Variants in RTN4IP1 observed in about 807,000 individuals in gnomAD.
The protein encoded by RTN4IP1 is reticulon 4 interacting protein 1.
A neutral mutation model predicts 46.6 loss-of-function variants in RTN4IP1; 32 were observed. The observed-to-expected ratio is 0.69, with a 90% CI of 0.52 to 0.92. The LOEUF is 0.92. RTN4IP1 is among the 40% of genes least tolerant of loss of function. The pLI, the probability that RTN4IP1 is intolerant of heterozygous loss-of-function variation, is 0.00. For synonymous variants in RTN4IP1, 167 were observed against 161.8 expected (o/e 1.03, Z -0.24); for missense variants, 424 against 485.8 (o/e 0.87, Z 1.20).
intron 4 of RTN4IP1, among the ~76,000 whole-genome samples, chr6:106,617,537 G>A (rs1776384859): frequency 6.6e-6 from 1 of 152,148 alleles, no homozygotes; most frequent in Admixed American, 6.5e-5. Context: ...TGGTCACCTG[G>A]TTAGTTAATG....
chr6:106,576,689 A>AT (rs1775236355), intron 8 of RTN4IP1, among the ~76,000 whole-genome samples: 1 of 152,248 alleles, frequency 6.6e-6, no homozygotes, highest in South Asian at 2.1e-4. Flanking sequence ...GGTAGCCTCT[A>AT]GACACGTGAC....
intron 5 of RTN4IP1, among the ~76,000 whole-genome samples, chr6:106,595,869 T>C (rs1394024723): frequency 1.3e-5 from 2 of 152,332 alleles, no homozygotes; most frequent in East Asian, 1.9e-4. Context: ...TGCTCAATTA[T>C]ACAGTTAATG....
chr6:106,571,998 AAAC>A lies in RTN4IP1; in HGVS notation c.1186_1188del (p.Val396del), dbSNP rs1446337184. 4 of 1,609,000 alleles carry A rather than the reference AAAC, an allele frequency of 2.5e-6. No homozygotes were observed. The highest frequency in any genetic ancestry group is 1.3e-5 in the African/African-American group (1 of 74,800). ...CAATCACTAAACTGCATTTTTATTT[AAAC>A]AACATTAATTACAGTCTTTCCTCGT... On this transcript the variant is annotated inframe_deletion, in exon 9 of 9. Coordinates refer to ENST00000369063, the MANE Select transcript of RTN4IP1 (RefSeq NM_032730.5).
intron 2 of RTN4IP1, 49 bp downstream of exon 2, chr6:106,622,769 G>T: frequency 6.4e-7 from 1 of 1,569,816 alleles, no homozygotes; most frequent in East Asian, 2.3e-5. Context: ...CGCTGGATCA[G>T]GGTCTGTGGG....
At chr6:106,589,613 A>G (rs572010038) in intron 6 of RTN4IP1, among the ~76,000 whole-genome samples, 1 of 152,276 alleles carries the variant, frequency 6.6e-6, no homozygotes, top group Non-Finnish European at 1.5e-5. Flanking sequence ...GCAAAAACTC[A>G]TAACTCCTCT....
At chr6:106,576,592 C>T (rs1015730717) in intron 8 of RTN4IP1, among the ~76,000 whole-genome samples, 6 of 152,216 alleles carry the variant, frequency 3.9e-5, no homozygotes, top group South Asian at 2.1e-4. Context: ...CGTTGCTAAA[C>T]GAGGGCCCAG....
intron 7 of RTN4IP1, among the ~76,000 whole-genome samples, chr6:106,584,616 GGT>G (rs1775442393): frequency 1.3e-5 from 2 of 152,202 alleles, no homozygotes; most frequent in African/African-American, 4.8e-5. Flanking sequence ...CCTGTAGAAT[GGT>G]GGTACCACCA....
At chr6:106,588,246 G>A (rs1029229998) in intron 6 of RTN4IP1, among the ~76,000 whole-genome samples, 1 of 152,182 alleles carries the variant, frequency 6.6e-6, no homozygotes, top group East Asian at 1.9e-4. Context: ...AGAAACTAAG[G>A]TTGCCAAGGT....
intron 2 of RTN4IP1, among the ~76,000 whole-genome samples, chr6:106,622,515 C>G (rs1776507609): frequency 6.6e-6 from 1 of 152,136 alleles, no homozygotes; most frequent in African/African-American, 2.4e-5. Flanking sequence ...TCAAGTGGTC[C>G]TAAGACCAAT....
intron 5 of RTN4IP1, among the ~76,000 whole-genome samples, chr6:106,593,485 T>C (rs1000887242): frequency 6.6e-6 from 1 of 152,204 alleles, no homozygotes; most frequent in African/African-American, 2.4e-5. Context: ...CAGATAATTA[T>C]AGATCATAAG....
chr6:106,630,257 C>A (rs1171783268), upstream of RTN4IP1, among the ~76,000 whole-genome samples: 1 of 152,170 alleles, frequency 6.6e-6, no homozygotes, highest in African/African-American at 2.4e-5. Context: ...GGCAGTTCTT[C>A]TAAATGTCAC....
intron 6 of RTN4IP1, among the ~76,000 whole-genome samples, chr6:106,591,899 C>T (rs1322909170): frequency 6.6e-6 from 1 of 152,132 alleles, no homozygotes; most frequent in Non-Finnish European, 1.5e-5. Flanking sequence ...AGGCCTCTTA[C>T]AAACCAGCAT....
At chr6:106,584,310 T>A (rs1227849203) in intron 7 of RTN4IP1, among the ~76,000 whole-genome samples, 1 of 152,186 alleles carries the variant, frequency 6.6e-6, no homozygotes, top group African/African-American at 2.4e-5. Context: ...AGGTTCTCCA[T>A]GATACCTCAA....
chr6:106,579,649 T>C (rs1022889241), intron 8 of RTN4IP1, among the ~76,000 whole-genome samples: 1 of 152,038 alleles, frequency 6.6e-6, no homozygotes, highest in Non-Finnish European at 1.5e-5. Flanking sequence ...AGAAGGACAA[T>C]GCTATTAACA....
At position 106,591,393 on chromosome 6, in the gene RTN4IP1, G is replaced by C. The variant is rs184250978; in HGVS notation, c.806+771C>G. On this transcript the variant is annotated intron_variant, in intron 6 of 8. Coordinates refer to ENST00000369063, the MANE Select transcript of RTN4IP1 (RefSeq NM_032730.5). ...GAAGTTGGTGGCACTGGCTGAGAAA[G>C]GCTGGGCGGTGTCAGATAAGGACTC... Among the ~76,000 whole-genome samples the C allele has an allele frequency of 3.9e-5, 6 of 152,202 alleles. No homozygotes were observed. The East Asian group carries it at 1.2e-3, about 29-fold the overall frequency.
chr6:106,607,887 G>A (rs1219800658), intron 4 of RTN4IP1: 1 of 152,168 alleles, frequency 6.6e-6, no homozygotes, highest in Admixed American at 6.5e-5. Flanking sequence ...ACCTTTGGTG[G>A]GAATATAAGT....
chr6:106,605,175 C>A (rs1274074453), intron 4 of RTN4IP1, among the ~76,000 whole-genome samples: 2 of 152,206 alleles, frequency 1.3e-5, no homozygotes, highest in Non-Finnish European at 2.9e-5. Flanking sequence ...GTAGCTCATG[C>A]CTGTAATCCC....
intron 7 of RTN4IP1, among the ~76,000 whole-genome samples, chr6:106,584,607 C>T (rs1297405880): frequency 6.6e-6 from 1 of 152,144 alleles, no homozygotes; most frequent in Non-Finnish European, 1.5e-5. Flanking sequence ...AGCCCATTTC[C>T]TGTAGAATGG....
intron 1 of RTN4IP1, among the ~76,000 whole-genome samples, chr6:106,624,892 C>T (rs1435997446): frequency 3.0e-4 from 42 of 141,634 alleles, no homozygotes; most frequent in Non-Finnish European, 5.3e-4. Context: ...GCCATGATCA[C>T]ACCACTGCAC....
Sources: gnomAD v4.1 joint callset for allele counts (sites outside exome capture counted in the v4.1 genomes callset) on GRCh38, gnomAD v4.1.1 for gene constraint, MANE v1.5 for transcripts, NCBI Gene and HGNC (gene_info 2026-07-23, HGNC 2026-07-21) for gene names.